FKBP5: variants seen among roughly 807,000 people sequenced by gnomAD.
FKBP5 encodes the protein peptidyl-prolyl cis-trans isomerase FKBP5.
A neutral mutation model predicts 50.5 loss-of-function variants in FKBP5; 23 were observed. The ratio of observed to expected loss-of-function variants is 0.46; its 90% CI spans 0.33 to 0.65. The LOEUF is 0.65. Ranked by LOEUF, FKBP5 falls within the 30% of genes least tolerant of loss-of-function variation. FKBP5 has a pLI of 0.02. For synonymous variants in FKBP5, 176 were observed against 190.6 expected, an observed-to-expected ratio of 0.92 and a Z score of 0.63; for missense variants, 411 against 553.1, an observed-to-expected ratio of 0.74 and a Z score of 2.58.
intron 5 of FKBP5, among the ~76,000 whole-genome samples, chr6:35,598,998 A>G (rs1763065132): frequency 6.6e-6 from 1 of 151,700 alleles, no homozygotes; most frequent in Non-Finnish European, 1.5e-5. Flanking sequence ...AAATAAATAA[A>G]TAAAAATAAA....
intron 2 of FKBP5, among the ~76,000 whole-genome samples, chr6:35,640,372 AC>A (rs1764449562): frequency 6.6e-6 from 1 of 152,210 alleles, no homozygotes; most frequent in Non-Finnish European, 1.5e-5. Flanking sequence ...AGAAAAAGGT[AC>A]AGTAATAAAA....
chr6:35,667,347 T>C (rs1765261418), intron 1 of FKBP5, among the ~76,000 whole-genome samples: 1 of 152,174 alleles, frequency 6.6e-6, no homozygotes, highest in East Asian at 1.9e-4. Context: ...CCTTTTGGAC[T>C]CCATTTTTCC....
chr6:35,649,058 T>C (rs1764710782), intron 1 of FKBP5, among the ~76,000 whole-genome samples: 1 of 152,150 alleles, frequency 6.6e-6, no homozygotes, highest in African/African-American at 2.4e-5. Context: ...GAGACCATCC[T>C]GGCTAATATG....
At chr6:35,615,152 A>AC (rs1198811283) in intron 5 of FKBP5, among the ~76,000 whole-genome samples, 3 of 91,410 alleles carry the variant, frequency 3.3e-5, no homozygotes, top group Non-Finnish European at 4.5e-5. Context: ...CAACAACAAC[A>AC]ACTACACACA....
At position 35,629,811 on chromosome 6, in the gene FKBP5, G is replaced by A. The variant is rs76316558; in HGVS notation, c.250+7203C>T. On this transcript the variant is annotated intron_variant, in intron 3 of 10. Transcript: ENST00000357266. The stretch of plus-strand genomic sequence containing the variant: ...AAATTGGAAGCATTCCTCCTCTATC[G>A]CAAAGTACCAGGAAAAACCAAAGTA... 8.3e-3 allele frequency among the ~76,000 whole-genome samples: 1,268 copies of A among 152,210 alleles called. 16 individuals carry two copies. The highest frequency in any genetic ancestry group is 0.029 in the African/African-American group (1,196 of 41,526).
At chr6:35,712,518 C>T (rs906391271) in intron 2 of FKBP5, among the ~76,000 whole-genome samples, 1 of 152,024 alleles carries the variant, frequency 6.6e-6, no homozygotes, top group Non-Finnish European at 1.5e-5. Flanking sequence ...GCTAGTTGGG[C>T]CTGGCACTAG....
chr6:35,712,283 TCTAA>T (rs1429641212), intron 2 of FKBP5, among the ~76,000 whole-genome samples: 1 of 152,046 alleles, frequency 6.6e-6, no homozygotes, highest in African/African-American at 2.4e-5. Flanking sequence ...ACCTGGAATT[TCTAA>T]CTATTAAGGC....
At chr6:35,583,143 TG>T in intron 8 of FKBP5, 1 of 985,340 alleles carries the variant, frequency 1.0e-6, no homozygotes, top group Non-Finnish European at 1.2e-6. Flanking sequence ...AAAAAATGTG[TG>T]GGTGGAAATG....
At chr6:35,631,265 T>G (rs1426127334) in intron 3 of FKBP5, among the ~76,000 whole-genome samples, 2 of 152,248 alleles carry the variant, frequency 1.3e-5, no homozygotes, top group African/African-American at 4.8e-5. Flanking sequence ...TGTGGAATAC[T>G]TCTCAGGAAT....
chr6:35,612,347 G>A lies in FKBP5; in HGVS notation c.508+6749C>T, dbSNP rs140633617. On this transcript the variant is annotated intron_variant, in intron 5 of 10. Transcript: ENST00000357266. ...CAGCAGTTGCAGTGAGCTAAGATGC[G>A]CCATTGCACTCCAGCCTGGCCCACT... 3.3e-5 allele frequency among the ~76,000 whole-genome samples: 5 copies of A among 152,170 alleles called. No homozygotes were observed. The South Asian group carries it at 8.3e-4, about 25-fold the overall frequency.
chr6:35,667,019 C>CTGTGTGTGTG (rs35407744), intron 1 of FKBP5, among the ~76,000 whole-genome samples: 2 of 148,790 alleles, frequency 1.3e-5, no homozygotes, highest in Admixed American at 6.7e-5. Flanking sequence ...GTGTGTGTGT[C>CTGTGTGTGTG]TGTGTGTGTG....
chr6:35,577,025 ATGT>A lies in FKBP5; in HGVS notation c.1232_1234del (p.Asn411del). ...ATCCTGCTCTGCAAACTTCTTGAAC[ATGT>A]TGGCGTATATCCTGCGGTCCCGCTC... On this transcript the variant is annotated inframe_deletion, in exon 10 of 11. Coordinates refer to ENST00000357266, the MANE Select transcript of FKBP5 (RefSeq NM_004117.4). 2.5e-6 allele frequency: 4 copies of A among 1,614,076 alleles called. No individual in the cohort carries two copies. Among genetic ancestry groups the A allele is most frequent in the Non-Finnish European group, 3.4e-6 (4 of 1,180,014 alleles).
At chr6:35,609,230 A>AT (rs1487314320) in intron 5 of FKBP5, among the ~76,000 whole-genome samples, 3 of 150,776 alleles carry the variant, frequency 2.0e-5, no homozygotes, top group African/African-American at 7.3e-5. Context: ...TTCTTGACTT[A>AT]TTTTTTTGTT....
At chr6:35,727,814 C>T (rs28435135) in intron 1 of FKBP5, among the ~76,000 whole-genome samples, 31,934 of 152,124 alleles carry the variant, frequency 0.21, 4,118 homozygotes, top group Middle Eastern at 0.32. Flanking sequence ...TCCTTCTGCT[C>T]GTAGAGCTCC....
chr6:35,640,649 C>T (rs1241427566), intron 2 of FKBP5, among the ~76,000 whole-genome samples: 1 of 152,090 alleles, frequency 6.6e-6, no homozygotes, highest in African/African-American at 2.4e-5. Context: ...TTAGCTTTGA[C>T]TCTTGTAATG....
intron 5 of FKBP5, among the ~76,000 whole-genome samples, chr6:35,615,811 G>A (rs1177232563): frequency 1.3e-5 from 2 of 152,170 alleles, no homozygotes; most frequent in Non-Finnish European, 2.9e-5. Context: ...AAATAGTAAC[G>A]TTGCAGTAGT....
chr6:35,704,139 T>C (rs1468326881), intron 2 of FKBP5, among the ~76,000 whole-genome samples: 6 of 152,216 alleles, frequency 3.9e-5, no homozygotes, highest in African/African-American at 9.6e-5. Context: ...GTTTCTGGTC[T>C]CTGATCTTTC....
intron 5 of FKBP5, among the ~76,000 whole-genome samples, chr6:35,613,166 T>C (rs1581815308): frequency 2.0e-5 from 3 of 152,310 alleles, no homozygotes; most frequent in East Asian, 3.9e-4. Context: ...TCAGTGTCTA[T>C]TGTTCTTGTT....
At chr6:35,692,137 T>A (rs1332359928), upstream of FKBP5, among the ~76,000 whole-genome samples, 1 of 152,216 alleles carries the variant, frequency 6.6e-6, no homozygotes, top group African/African-American at 2.4e-5. Context: ...CATTTGATTC[T>A]CTTTTTCTGT....
Sources: gnomAD v4.1 joint callset for allele counts (sites outside exome capture counted in the v4.1 genomes callset) on GRCh38, gnomAD v4.1.1 for gene constraint, MANE v1.5 for transcripts, NCBI Gene and HGNC (gene_info 2026-07-23, HGNC 2026-07-21) for gene names.